The following IQCH variants were observed in gnomAD, a reference collection of about 807,000 sequenced individuals.
IQCH encodes IQ motif containing H.
A neutral mutation model predicts 117.0 loss-of-function variants in IQCH; 98 were observed. The observed-to-expected ratio is 0.84, with a 90% CI of 0.71 to 0.99. IQCH has a LOEUF of 0.99. Among genes scored for constraint, IQCH ranks in the 50% least tolerant of loss-of-function variants. The probability of loss-of-function intolerance (pLI) is 0.00; values close to 1 mark genes in which losing one functional copy is unlikely to be tolerated. For missense variants in IQCH, 1,102 were observed against 1,243.8 expected (o/e 0.89, Z 1.72); for synonymous variants, 412 against 448.2 (o/e 0.92, Z 1.02).
chr15:67,414,575 A>G (rs1455391729), intron 14 of IQCH, among the ~76,000 whole-genome samples: 3 of 151,826 alleles, frequency 2.0e-5, no homozygotes, highest in African/African-American at 7.3e-5. Flanking sequence ...CTCAAGTTGA[A>G]GGAGATCTCC....
At position 67,401,880 on chromosome 15, in the gene IQCH, G is replaced by C. The variant is rs1971675009; in HGVS notation, c.2097+1575G>C. ...ACTGGATTTTATTTCGTATTGTATA[G>C]ATTTTTTTTAAAGCAACACTGTTAA... On this transcript the variant is annotated intron_variant, in intron 14 of 20. Coordinates refer to ENST00000335894, the MANE Select transcript of IQCH (RefSeq NM_001031715.3). This position sits in a 1 kb window ranked among gnomAD's most constrained non-coding sequence, Gnocchi z 4.7. Among the ~76,000 whole-genome samples, 1 of 152,152 alleles carries C rather than the reference G, an allele frequency of 6.6e-6. No individual in the cohort carries two copies. Among genetic ancestry groups the C allele is most frequent in the South Asian group, 2.1e-4 (1 of 4,816 alleles).
At chr15:67,486,038 CTTT>C (rs55963427) in intron 18 of IQCH, among the ~76,000 whole-genome samples, 3 of 106,358 alleles carry the variant, frequency 2.8e-5, no homozygotes, top group African/African-American at 7.4e-5. Context: ...GCTAAGTTTT[CTTT>C]TTTTTTTTTT....
At chr15:67,355,379 G>A (rs1367431913) in intron 6 of IQCH, among the ~76,000 whole-genome samples, 2 of 152,062 alleles carry the variant, frequency 1.3e-5, no homozygotes, top group East Asian at 3.9e-4. Flanking sequence ...GAGATCAGGA[G>A]ATTGAGACCA....
At chr15:67,316,528 A>G (rs981189265) in intron 4 of IQCH, among the ~76,000 whole-genome samples, 14 of 152,214 alleles carry the variant, frequency 9.2e-5, no homozygotes, top group African/African-American at 3.4e-4. Context: ...TTTAAAGTGT[A>G]GATACTGGAC....
At chr15:67,338,985 C>T (rs929660622) in intron 5 of IQCH, among the ~76,000 whole-genome samples, 13 of 152,306 alleles carry the variant, frequency 8.5e-5, no homozygotes, top group Non-Finnish European at 1.6e-4. Flanking sequence ...AAGGTCACTT[C>T]CTCAAGCACC....
chr15:67,263,165 T>C lies in IQCH; in HGVS notation c.218T>C (p.Leu73Ser). ...TTAAATGTTGTAAACCAGAATGTAT[T>C]AACGACTTCTGTTAATGATGAGAGC... ...KYLNVVNQNV[L>S]TTSVNDESLY... The change falls in exon 3 of 21, where the codon TTA becomes TCA. Residue 73 changes from leucine (L) to serine (S), a missense_variant. Physicochemically the swap from Leu to Ser is moderately radical, Grantham distance 145 (BLOSUM62 -2). Coordinates refer to ENST00000335894, the MANE Select transcript of IQCH (RefSeq NM_001031715.3). 6.3e-7 allele frequency: 1 copy of C among 1,584,502 alleles called. No individual in the cohort carries two copies. Among genetic ancestry groups the C allele is most frequent in the Non-Finnish European group, 8.7e-7 (1 of 1,153,294 alleles).
chr15:67,373,588 C>G, intron 10 of IQCH, 155 bp downstream of exon 10: 2 of 685,118 alleles, frequency 2.9e-6, no homozygotes, highest in Non-Finnish European at 2.6e-6. Context: ...ACAGGACCCT[C>G]GCTTGAAACG....
At chr15:67,306,303 A>G (rs6494645) in intron 4 of IQCH, among the ~76,000 whole-genome samples, 151,324 of 152,236 alleles carry the variant, frequency 0.99, 75,220 homozygotes, top group Non-Finnish European at 1. Flanking sequence ...TATAAAAATC[A>G]TTTCAAAAGC....
At chr15:67,262,130 T>G (rs1567045748) in intron 2 of IQCH, among the ~76,000 whole-genome samples, 1 of 152,088 alleles carries the variant, frequency 6.6e-6, no homozygotes, top group Non-Finnish European at 1.5e-5. Flanking sequence ...GACTTTCCCC[T>G]AATAGCCTAA....
chr15:67,258,091 T>C (rs11071944), intron 1 of IQCH, among the ~76,000 whole-genome samples: 101,414 of 151,166 alleles, frequency 0.67, 34,672 homozygotes, highest in Middle Eastern at 0.84. Context: ...ATTAGCTAGG[T>C]GTGGTGGCAG....
In IQCH at chr15:67,300,946, A is replaced by G. The variant is rs925384707; in HGVS notation, c.387+21434A>G. Among the ~76,000 whole-genome samples the G allele has an allele frequency of 3.3e-5, 5 of 152,324 alleles. No individual in the cohort carries two copies. The East Asian group carries it at 9.6e-4, about 29-fold the overall frequency. On this transcript the variant is annotated intron_variant, in intron 4 of 20. Transcript: ENST00000335894. ...TTGAGCTCCCTGCTTCTGTGCAGCCATGTAGGTAAAACAGTAATTGGCTCT... is the reference window on the plus strand; with the variant it reads ...TTGAGCTCCCTGCTTCTGTGCAGCCGTGTAGGTAAAACAGTAATTGGCTCT...
At chr15:67,266,651 C>A (rs376988299) in intron 3 of IQCH, among the ~76,000 whole-genome samples, 1 of 151,922 alleles carries the variant, frequency 6.6e-6, no homozygotes. Context: ...AGCGAGACTC[C>A]GTCTAAAAAA....
rs1238552142 is a variant in IQCH at position 67,404,233 on chromosome 15, A to C, written c.2097+3928A>C. 1.3e-5 allele frequency: 2 copies of C among 152,250 alleles called. No homozygotes were observed. Among genetic ancestry groups the C allele is most frequent in the Admixed American group, 6.5e-5 (1 of 15,278 alleles). 9.4% of individuals were successfully genotyped at this position (152,250 alleles called of 1,614,324 possible). The stretch of plus-strand genomic sequence containing the variant: ...AAGAACTATGCCTGGAAAAGGTAGA[A>C]TAAACCACAGTTGTTTTGCCTCCTT... On this transcript the variant is annotated intron_variant, in intron 14 of 20. Transcript: ENST00000335894. The surrounding 1 kb of genome is among the most constrained non-coding windows in gnomAD (Gnocchi z 4.6).
At chr15:67,469,025 G>A (rs1179113130) in intron 17 of IQCH, among the ~76,000 whole-genome samples, 2 of 152,166 alleles carry the variant, frequency 1.3e-5, no homozygotes, top group Non-Finnish European at 2.9e-5. Flanking sequence ...CCAGTGAAAA[G>A]GAGTATTTTG....
chr15:67,362,999 A>G (rs531456083), intron 8 of IQCH, among the ~76,000 whole-genome samples: 2 of 152,330 alleles, frequency 1.3e-5, no homozygotes, highest in South Asian at 4.1e-4. Context: ...GTCTTGCCCT[A>G]AAGGGCTGGA....
chr15:67,265,792 G>A (rs1443354471), intron 3 of IQCH, among the ~76,000 whole-genome samples: 10 of 152,150 alleles, frequency 6.6e-5, no homozygotes, highest in Admixed American at 6.5e-4. Flanking sequence ...TTCAGAGTCT[G>A]GCATGGACTG....
At chr15:67,382,928 T>C (rs1454321393) in intron 10 of IQCH, among the ~76,000 whole-genome samples, 1 of 152,266 alleles carries the variant, frequency 6.6e-6, no homozygotes, top group Non-Finnish European at 1.5e-5. Flanking sequence ...ATATTTAGCA[T>C]GTACTACCAG....
intron 6 of IQCH, among the ~76,000 whole-genome samples, chr15:67,347,203 G>GA (rs536203507): frequency 1.0e-3 from 115 of 111,660 alleles, no homozygotes; most frequent in Middle Eastern, 4.5e-3. Flanking sequence ...ATGGAAAATA[G>GA]AAAAAAAAAA....
chr15:67,288,038 A>G (rs1006858078), intron 4 of IQCH, among the ~76,000 whole-genome samples: 2 of 152,128 alleles, frequency 1.3e-5, no homozygotes, highest in Admixed American at 1.3e-4. Flanking sequence ...CTTTCCATGT[A>G]TTTATGTAGT....
Sources: gnomAD v4.1 joint callset for allele counts (sites outside exome capture counted in the v4.1 genomes callset) on GRCh38, gnomAD v4.1.1 for gene constraint, Gnocchi (gnomAD v3.1) non-coding constraint, MANE v1.5 for transcripts, NCBI Gene and HGNC (gene_info 2026-07-23, HGNC 2026-07-21) for gene names.